Variants in LRRC37A2 observed in about 807,000 individuals in gnomAD.
LRRC37A2 encodes leucine rich repeat containing 37 member A2.
In LRRC37A2, 9 loss-of-function variants were observed where a neutral mutation model predicts 68.8. The observed-to-expected ratio is 0.13, with a 90% confidence interval of 0.08 to 0.23. The LOEUF (loss-of-function observed/expected upper bound fraction) is 0.23, where lower values mean the gene tolerates loss of function less well. LRRC37A2 is among the 10% of genes least tolerant of loss of function. The probability of loss-of-function intolerance (pLI) is 1.00; values close to 1 mark genes in which losing one functional copy is unlikely to be tolerated. For missense variants in LRRC37A2, 168 were observed against 950.4 expected (o/e 0.18, Z 10.82); for synonymous variants, 63 against 367.6 (o/e 0.17, Z 9.48).
the LRRC37A2 span, among the ~76,000 whole-genome samples, chr17:46,817,446 G>A: frequency 6.6e-6 from 1 of 152,190 alleles, no homozygotes. Flanking sequence ...GGAATGTAGG[G>A]GGCTGGAGAC....
the LRRC37A2 span, among the ~76,000 whole-genome samples, chr17:46,956,581 C>T: frequency 2.4e-3 from 359 of 152,268 alleles, 2 homozygotes; most frequent in African/African-American, 8.4e-3. Flanking sequence ...GGATTACAGG[C>T]GTGAGCCACC....
chr17:46,876,220 C>T, the LRRC37A2 span: 9 of 1,572,016 alleles, frequency 5.7e-6, no homozygotes, highest in African/African-American at 4.0e-5. Flanking sequence ...CCTCTGACCA[C>T]GCCTCTGTTC....
chr17:46,767,813 C>T, the LRRC37A2 span, among the ~76,000 whole-genome samples: 1 of 151,962 alleles, frequency 6.6e-6, no homozygotes, highest in Non-Finnish European at 1.5e-5. Flanking sequence ...GAGATGGAGT[C>T]TCACTCTGTC....
chr17:47,018,909 C>T, the LRRC37A2 span: 2 of 1,519,478 alleles, frequency 1.3e-6, no homozygotes, highest in Non-Finnish European at 1.8e-6. Flanking sequence ...GACCCCAACT[C>T]AGCCTCCTAA....
the LRRC37A2 span, among the ~76,000 whole-genome samples, chr17:46,709,705 G>T: frequency 6.6e-6 from 1 of 151,998 alleles, no homozygotes; most frequent in African/African-American, 2.4e-5. Flanking sequence ...ACGTTGGCCA[G>T]GTTGGTCTGG....
At chr17:46,768,412 G>C in the LRRC37A2 span, 7 of 1,613,942 alleles carry the variant, frequency 4.3e-6, no homozygotes, top group Middle Eastern at 1.6e-4. The surrounding 1 kb of genome is among the most constrained non-coding windows in gnomAD (Gnocchi z 5.0). Context: ...TTTTCCTTCC[G>C]CTTCTCCGTC....
At chr17:46,785,020 G>A in the LRRC37A2 span, among the ~76,000 whole-genome samples, 3 of 152,162 alleles carry the variant, frequency 2.0e-5, no homozygotes, top group East Asian at 1.9e-4. Context: ...CTCGTGATCT[G>A]CCCGCCTTGG....
At chr17:46,945,168 G>C in the LRRC37A2 span, among the ~76,000 whole-genome samples, 1 of 152,198 alleles carries the variant, frequency 6.6e-6, no homozygotes, top group African/African-American at 2.4e-5. Flanking sequence ...GGAGTGGCCT[G>C]GGGGAGGGAG....
the LRRC37A2 span, among the ~76,000 whole-genome samples, chr17:46,975,679 G>A: frequency 2.0e-5 from 3 of 152,242 alleles, no homozygotes; most frequent in East Asian, 5.8e-4. Context: ...GTGCCTGCTT[G>A]TGTGAGCATA....
At chr17:46,937,200 A>T in the LRRC37A2 span, 2 of 152,182 alleles carry the variant, frequency 1.3e-5, no homozygotes, top group African/African-American at 4.8e-5. Flanking sequence ...GTGGTGGGTG[A>T]TGCCATCTAT....
At chr17:46,813,114 G>A in the LRRC37A2 span, among the ~76,000 whole-genome samples, 5 of 152,106 alleles carry the variant, frequency 3.3e-5, no homozygotes, top group East Asian at 1.9e-4. Flanking sequence ...AGCTCTTTGC[G>A]ATTTAGGTCA....
the LRRC37A2 span, among the ~76,000 whole-genome samples, chr17:47,040,616 TG>T: frequency 1.0e-5 from 1 of 98,022 alleles, no homozygotes; most frequent in African/African-American, 3.5e-5. Flanking sequence ...AATGATTAAA[TG>T]AAGATTTACT....
the LRRC37A2 span, among the ~76,000 whole-genome samples, chr17:46,847,991 TGTG>T: frequency 7.0e-6 from 1 of 142,520 alleles, no homozygotes; most frequent in East Asian, 2.2e-4. Context: ...TGTGTGTGTG[TGTG>T]TGCACGTGCA....
At chr17:46,818,534 C>T in the LRRC37A2 span, 3 of 1,608,108 alleles carry the variant, frequency 1.9e-6, no homozygotes, top group Non-Finnish European at 2.5e-6. Flanking sequence ...ATTGGGTAGC[C>T]AGCGAGGACC....
the LRRC37A2 span, chr17:46,998,711 G>C: frequency 2.0e-5 from 3 of 152,210 alleles, no homozygotes; most frequent in East Asian, 5.8e-4. Context: ...AGGATGCTTC[G>C]ACCTTGTTCT....
At chr17:46,915,848 C>T in the LRRC37A2 span, among the ~76,000 whole-genome samples, 1 of 152,228 alleles carries the variant, frequency 6.6e-6, no homozygotes, top group Non-Finnish European at 1.5e-5. Context: ...TATTTTATGG[C>T]ATTGAACAAT....
At chr17:46,742,910 A>G in the LRRC37A2 span, among the ~76,000 whole-genome samples, 1 of 152,206 alleles carries the variant, frequency 6.6e-6, no homozygotes, top group East Asian at 1.9e-4. Flanking sequence ...ATGAAAAATT[A>G]TTCCTATTTC....
chr17:46,870,982 C>T, the LRRC37A2 span, among the ~76,000 whole-genome samples: 1 of 145,370 alleles, frequency 6.9e-6, no homozygotes, highest in African/African-American at 2.6e-5. Flanking sequence ...GCGATCTCAG[C>T]TCACTGCAGC....
At chr17:46,997,804 T>C in the LRRC37A2 span, among the ~76,000 whole-genome samples, 12 of 152,080 alleles carry the variant, frequency 7.9e-5, no homozygotes, top group Non-Finnish European at 1.6e-4. Context: ...ACCCCATCTC[T>C]ATGAAAAATA....
Sources: allele counts gnomAD v4.1 joint callset (sites outside exome capture counted in the v4.1 genomes callset), GRCh38; gene constraint gnomAD v4.1.1; non-coding constraint Gnocchi (gnomAD v3.1); transcripts MANE v1.5; gene names NCBI Gene and HGNC (gene_info 2026-07-23, HGNC 2026-07-21).